The following TCF12 variants were observed in gnomAD, a reference collection of about 807,000 sequenced individuals.
The protein encoded by TCF12 is transcription factor 12, also known as DNA-binding protein HTF4.
In TCF12, 45 loss-of-function variants were observed where a neutral mutation model predicts 86.0. The observed-to-expected ratio is 0.52, with a 90% confidence interval of 0.41 to 0.67. The LOEUF (loss-of-function observed/expected upper bound fraction) is 0.67, where lower values mean the gene tolerates loss of function less well. Among genes scored for constraint, TCF12 ranks in the 30% least tolerant of loss-of-function variants. The probability of loss-of-function intolerance (pLI) is 0.00; values close to 1 mark genes in which losing one functional copy is unlikely to be tolerated. For missense variants in TCF12, 881 were observed against 859.9 expected, an observed-to-expected ratio of 1.02 and a Z score of -0.31; for synonymous variants, 330 against 299.6, an observed-to-expected ratio of 1.10 and a Z score of -1.05.
chr15:56,946,973 C>G (rs1291065926), intron 3 of TCF12, among the ~76,000 whole-genome samples: 6 of 151,706 alleles, frequency 4.0e-5, no homozygotes, highest in Non-Finnish European at 5.9e-5. Context: ...AATTTTTGTA[C>G]TTTTAGTAGA....
At chr15:56,951,116 A>C (rs1798519486) in intron 3 of TCF12, among the ~76,000 whole-genome samples, 1 of 152,048 alleles carries the variant, frequency 6.6e-6, no homozygotes, top group Non-Finnish European at 1.5e-5. Flanking sequence ...TATATCTTCA[A>C]CTCACTAAGA....
intron 3 of TCF12, among the ~76,000 whole-genome samples, chr15:56,959,058 A>G (rs1485108612): frequency 2.0e-5 from 3 of 152,000 alleles, no homozygotes; most frequent in African/African-American, 7.3e-5. Flanking sequence ...TTTTTTGTTT[A>G]CTTCTGGTGG....
Position 57,199,275 on chromosome 15 carries a change from G to A in TCF12, c.579+1450G>A, listed in dbSNP as rs147368658. 6.4e-3 allele frequency among the ~76,000 whole-genome samples: 978 copies of A among 152,108 alleles called. 7 individuals are homozygous for A. The highest frequency in any genetic ancestry group is 0.024 in the Middle Eastern group (7 of 292). On this transcript the variant is annotated intron_variant, in intron 8 of 20. Transcript: ENST00000333725. ...GTTGTGTGCTATGCAGGGGTAGGTG[G>A]TTCAACAGCATAACAGATGATTTCT...
chr15:57,197,808 C>T lies in TCF12; in HGVS notation c.562C>T (p.Pro188Ser), dbSNP rs772076237. Reference protein sequence around the residue: ...LQAKKVRKVPPGLPSSVYAPS... With the variant: ...LQAKKVRKVPSGLPSSVYAPS... ...AGCAAAAAAAGTCAGAAAGGTGCCT[C>T]CTGGTTTGCCTTCTTCTGTAAGTAC... The change falls in exon 8 of 21, where the codon CCT (proline) becomes TCT (serine). Residue 188 changes from proline (P) to serine (S), a missense_variant. Coordinates refer to ENST00000333725, the MANE Select transcript of TCF12 (RefSeq NM_207037.2). 1.7e-5 allele frequency: 28 copies of T among 1,613,850 alleles called. No homozygotes were observed. Among genetic ancestry groups the T allele is most frequent in the Non-Finnish European group, 5.1e-6 (6 of 1,179,938 alleles).
chr15:57,261,057 C>G (rs2060564745), intron 16 of TCF12, among the ~76,000 whole-genome samples: 1 of 152,022 alleles, frequency 6.6e-6, no homozygotes, highest in Non-Finnish European at 1.5e-5. Flanking sequence ...TTTTGTGATT[C>G]TAATACATCG....
chr15:56,998,735 T>C (rs1317987767), intron 3 of TCF12, among the ~76,000 whole-genome samples: 1 of 152,148 alleles, frequency 6.6e-6, no homozygotes, highest in Admixed American at 6.5e-5. Flanking sequence ...CAGCAGAATA[T>C]ACATTCTTTC....
chr15:57,274,061 T>C (rs531648231), intron 19 of TCF12, among the ~76,000 whole-genome samples: 47 of 152,322 alleles, frequency 3.1e-4, no homozygotes, highest in African/African-American at 1.1e-3. Flanking sequence ...TTATATATTG[T>C]CTTAAAATAT....
At chr15:57,054,477 A>C (rs2067850157) in intron 3 of TCF12, among the ~76,000 whole-genome samples, 1 of 152,156 alleles carries the variant, frequency 6.6e-6, no homozygotes, top group African/African-American at 2.4e-5. Flanking sequence ...TTCCTTTTCT[A>C]ACCACCAAAC....
At chr15:57,095,055 A>G (rs916175910) in intron 5 of TCF12, among the ~76,000 whole-genome samples, 2 of 152,220 alleles carry the variant, frequency 1.3e-5, no homozygotes, top group African/African-American at 2.4e-5. Context: ...GAATCAGTTA[A>G]TGTTTCTTTT....
intron 3 of TCF12, among the ~76,000 whole-genome samples, chr15:56,999,582 A>G (rs2063904482): frequency 6.6e-6 from 1 of 152,100 alleles, no homozygotes; most frequent in African/African-American, 2.4e-5. Flanking sequence ...TTAACTATTA[A>G]GTTGAATTTG....
intron 8 of TCF12, among the ~76,000 whole-genome samples, chr15:57,208,926 G>T (rs1413683648): frequency 6.6e-6 from 1 of 151,800 alleles, no homozygotes; most frequent in East Asian, 1.9e-4. Context: ...GTGTTGCCAG[G>T]GTTGGTCTCA....
chr15:57,291,245 C>A (rs2062066666), downstream of TCF12: 1 of 152,196 alleles, frequency 6.6e-6, no homozygotes, highest in African/African-American at 2.4e-5. Flanking sequence ...TACACATCCC[C>A]CCACATACTT....
At chr15:57,132,133 A>G (rs2052173116) in intron 5 of TCF12, among the ~76,000 whole-genome samples, 3 of 152,176 alleles carry the variant, frequency 2.0e-5, no homozygotes, top group African/African-American at 7.2e-5. Context: ...TTTGGGTGAC[A>G]GAGCAAGCCC....
intron 5 of TCF12, among the ~76,000 whole-genome samples, chr15:57,112,655 T>G (rs1380790659): frequency 6.6e-6 from 1 of 152,206 alleles, no homozygotes; most frequent in Non-Finnish European, 1.5e-5. Context: ...ATAGCACAAA[T>G]TCTAATAATT....
rs1322158698 is a variant in TCF12, at chr15:57,014,048, CATT to C, written c.149-49701_149-49699del. 3.9e-5 allele frequency among the ~76,000 whole-genome samples: 6 copies of C among 152,262 alleles called. No homozygotes were observed. The East Asian group carries it at 7.7e-4, about 20-fold the overall frequency. On this transcript the variant is annotated intron_variant, in intron 3 of 20. Transcript: ENST00000333725. ...ACTTGTGGCTCCTGCCAAAAATTGA[CATT>C]GTTGTGTTGCGATGATCTAGGTCAC...
chr15:57,177,133 A>G (rs572784527), intron 6 of TCF12, among the ~76,000 whole-genome samples: 1 of 152,274 alleles, frequency 6.6e-6, no homozygotes, highest in South Asian at 2.1e-4. Context: ...TCTAGGAAAG[A>G]GTATATAAGT....
chr15:57,148,880 A>G (rs374712398), intron 5 of TCF12, among the ~76,000 whole-genome samples: 4 of 152,130 alleles, frequency 2.6e-5, no homozygotes, highest in Non-Finnish European at 4.4e-5. Flanking sequence ...CATCTCAACA[A>G]CAACAGAAAG....
At chr15:56,978,782 G>A (rs574321441) in intron 3 of TCF12, among the ~76,000 whole-genome samples, 1 of 152,232 alleles carries the variant, frequency 6.6e-6, no homozygotes, top group South Asian at 2.1e-4. Context: ...GCCAGATATT[G>A]CTGGCCTAAG....
intron 5 of TCF12, among the ~76,000 whole-genome samples, chr15:57,099,782 A>AT (rs1157645765): frequency 1.3e-5 from 2 of 152,042 alleles, no homozygotes; most frequent in Non-Finnish European, 2.9e-5. Context: ...TTTTGTTTAT[A>AT]TATTATGGGA....
Sources: allele counts gnomAD v4.1 joint callset (sites outside exome capture counted in the v4.1 genomes callset), GRCh38; gene constraint gnomAD v4.1.1; transcripts MANE v1.5; gene names NCBI Gene and HGNC (gene_info 2026-07-23, HGNC 2026-07-21).